RNF212B: variants seen among roughly 807,000 people sequenced by gnomAD.
The protein encoded by RNF212B is ring finger protein 212B, also known as E3 ubiquitin-protein ligase RNF212B.
In RNF212B, 52 loss-of-function variants were observed where a neutral mutation model predicts 55.5. That is an observed-to-expected ratio of 0.94 (90% CI 0.75 to 1.18). The LOEUF is 1.18. Among genes scored for constraint, RNF212B ranks in the 50% most tolerant of loss-of-function variants. The pLI is 0.00. For missense variants in RNF212B, 289 were observed against 350.4 expected, an observed-to-expected ratio of 0.82 and a Z score of 1.40; for synonymous variants, 99 against 121.4, an observed-to-expected ratio of 0.82 and a Z score of 1.21.
At chr14:23,199,700 T>A (rs189054283) in intron 2 of RNF212B, among the ~76,000 whole-genome samples, 1 of 152,154 alleles carries the variant, frequency 6.6e-6, no homozygotes, top group Non-Finnish European at 1.5e-5. Context: ...GGAAAAATAG[T>A]GGGGAGGAAG....
intron 1 of RNF212B, among the ~76,000 whole-genome samples, chr14:23,188,650 A>G (rs1352275694): frequency 1.3e-5 from 2 of 152,008 alleles, no homozygotes; most frequent in African/African-American, 2.4e-5. Context: ...AAAAATTTTT[A>G]GTAAAGATGA....
chr14:23,193,290 G>T (rs1878304138), intron 1 of RNF212B: 1 of 152,052 alleles, frequency 6.6e-6, no homozygotes, highest in South Asian at 2.1e-4. Flanking sequence ...CAAAATATAA[G>T]ATCTCACATT....
At chr14:23,225,841 TGG>T (rs2140412079) in intron 2 of RNF212B, among the ~76,000 whole-genome samples, 1 of 152,176 alleles carries the variant, frequency 6.6e-6, no homozygotes, top group African/African-American at 2.4e-5. Context: ...AAAGTATAAT[TGG>T]ATTGTTTGTA....
chr14:23,200,139 T>G (rs1189861126), intron 2 of RNF212B, among the ~76,000 whole-genome samples: 4 of 152,180 alleles, frequency 2.6e-5, no homozygotes, highest in African/African-American at 7.2e-5. Context: ...TAGGATTGGT[T>G]TGCTTATTAT....
At chr14:23,258,886 A>G (rs1406400283) in intron 5 of RNF212B, among the ~76,000 whole-genome samples, 2 of 151,750 alleles carry the variant, frequency 1.3e-5, no homozygotes, top group South Asian at 4.2e-4. Flanking sequence ...ATTTCTCGGT[A>G]TCAAAAACTG....
chr14:23,258,478 C>A, intron 4 of RNF212B, 71 bp from the exon 5 acceptor site: 1 of 666,838 alleles, frequency 1.5e-6, no homozygotes, highest in Non-Finnish European at 2.5e-6. Context: ...TTGATGGCTT[C>A]CCTTTCTTGC....
chr14:23,236,474 C>G (rs1055533505), upstream of RNF212B, among the ~76,000 whole-genome samples: 2 of 152,108 alleles, frequency 1.3e-5, no homozygotes, highest in Non-Finnish European at 2.9e-5. Context: ...GAGATGGCGC[C>G]ACTGCACTCC....
upstream of RNF212B, among the ~76,000 whole-genome samples, chr14:23,236,961 C>CTTTTTTTTT (rs1462199563): frequency 7.2e-6 from 1 of 138,000 alleles, no homozygotes. Context: ...CTGTCTCTCT[C>CTTTTTTTTT]TTTTTTTTTT....
chr14:23,245,276 G>A (rs1201643766), intron 4 of RNF212B, among the ~76,000 whole-genome samples: 1 of 152,084 alleles, frequency 6.6e-6, no homozygotes, highest in East Asian at 1.9e-4. Flanking sequence ...GGGAATTAAG[G>A]CTTGCTGCTT....
At chr14:23,192,697 G>A (rs1470779078) in intron 1 of RNF212B, among the ~76,000 whole-genome samples, 1 of 152,046 alleles carries the variant, frequency 6.6e-6, no homozygotes, top group Non-Finnish European at 1.5e-5. Flanking sequence ...ATAAAAAAAA[G>A]AATATTCTAA....
intron 6 of RNF212B, 50 bp from the exon 7 acceptor site, chr14:23,260,609 T>C: frequency 6.6e-7 from 1 of 1,514,846 alleles, no homozygotes; most frequent in East Asian, 2.5e-5. Context: ...GATCTGTTGA[T>C]TAGGATCCTC....
At chr14:23,231,420 A>G (rs1594906549) in intron 2 of RNF212B, among the ~76,000 whole-genome samples, 1 of 152,214 alleles carries the variant, frequency 6.6e-6, no homozygotes, top group East Asian at 1.9e-4. Flanking sequence ...CATGCAAAAC[A>G]CACCCACATA....
At chr14:23,208,761 T>TTTTTTTTTG (rs1880124808) in intron 2 of RNF212B, among the ~76,000 whole-genome samples, 1 of 126,750 alleles carries the variant, frequency 7.9e-6, no homozygotes, top group Non-Finnish European at 1.6e-5. Context: ...GTTGCCGTTT[T>TTTTTTTTTG]TTTTTTTTTT....
intron 2 of RNF212B, among the ~76,000 whole-genome samples, chr14:23,211,320 A>C (rs1232298876): frequency 6.6e-6 from 1 of 152,228 alleles, no homozygotes; most frequent in Non-Finnish European, 1.5e-5. Flanking sequence ...AGATGAATAG[A>C]TAACCTAAAT....
chr14:23,205,774 A>G (rs1190975669), intron 2 of RNF212B, among the ~76,000 whole-genome samples: 2 of 152,218 alleles, frequency 1.3e-5, no homozygotes, highest in African/African-American at 4.8e-5. Context: ...AGTTATGGCA[A>G]TCTTATTAAA....
At chr14:23,265,830 C>T (rs1297677804) in intron 11 of RNF212B, among the ~76,000 whole-genome samples, 1 of 152,010 alleles carries the variant, frequency 6.6e-6, no homozygotes, top group Non-Finnish European at 1.5e-5. Context: ...TTCTAGTTTC[C>T]TAAGGTGGAA....
chr14:23,208,991 C>T (rs1880196041), intron 2 of RNF212B, among the ~76,000 whole-genome samples: 1 of 151,918 alleles, frequency 6.6e-6, no homozygotes, highest in South Asian at 2.1e-4. Flanking sequence ...ATCTCCTGAC[C>T]TCGTGATCCG....
At chr14:23,252,436 T>G (rs959816915) in intron 4 of RNF212B, among the ~76,000 whole-genome samples, 4 of 152,206 alleles carry the variant, frequency 2.6e-5, no homozygotes, top group African/African-American at 9.7e-5. Context: ...AAGAATATAA[T>G]GATATGTATA....
intron 4 of RNF212B, among the ~76,000 whole-genome samples, 181 bp downstream of exon 4, chr14:23,244,577 A>G (rs747042231): frequency 2.6e-5 from 4 of 152,188 alleles, no homozygotes; most frequent in Non-Finnish European, 5.9e-5. Flanking sequence ...TTGACCCAGA[A>G]TCTGTGATAG....
Sources: gnomAD v4.1 joint callset for allele counts (sites outside exome capture counted in the v4.1 genomes callset) on GRCh38, gnomAD v4.1.1 for gene constraint, MANE v1.5 for transcripts, NCBI Gene and HGNC (gene_info 2026-07-23, HGNC 2026-07-21) for gene names.